The following MGMT variants were observed in gnomAD, a reference collection of about 807,000 sequenced individuals.
MGMT encodes the protein O-6-methylguanine-DNA methyltransferase.
A neutral mutation model predicts 15.9 loss-of-function variants in MGMT; 14 were observed. That is an observed-to-expected ratio of 0.88 (90% CI 0.58 to 1.37). MGMT has a LOEUF of 1.37. Among genes scored for constraint, MGMT ranks in the 40% most tolerant of loss-of-function variants. The pLI is 0.00. For synonymous variants in MGMT, 130 were observed against 118.2 expected (o/e 1.10, Z -0.65); for missense variants, 282 against 268.1 (o/e 1.05, Z -0.36).
At chr10:129,726,133 G>A (rs1429611882) in intron 3 of MGMT, among the ~76,000 whole-genome samples, 1 of 152,080 alleles carries the variant, frequency 6.6e-6, no homozygotes, top group African/African-American at 2.4e-5. Context: ...TTTCCAAGTG[G>A]CGGGGCCTCT....
intron 3 of MGMT, among the ~76,000 whole-genome samples, chr10:129,740,503 C>T (rs900012024): frequency 6.6e-6 from 1 of 152,234 alleles, no homozygotes; most frequent in Non-Finnish European, 1.5e-5. Context: ...TTAAAATCTG[C>T]ACTGTCCTTT....
intron 2 of MGMT, among the ~76,000 whole-genome samples, chr10:129,630,272 G>T (rs970095248): frequency 6.6e-6 from 1 of 152,230 alleles, no homozygotes; most frequent in Non-Finnish European, 1.5e-5. Context: ...ACTTCTCTTT[G>T]ATCTCCCTGT....
chr10:129,544,589 C>T lies in MGMT; in HGVS notation c.125+8212C>T, dbSNP rs376660355. On this transcript the variant is annotated intron_variant, in intron 2 of 4. Coordinates refer to ENST00000651593, the MANE Select transcript of MGMT (RefSeq NM_002412.5). ...GTGCCCTGTGGAGTTGGGTCCTGGC[C>T]CTCACTACCCTGTTGCGTGGGTGGG... Among the ~76,000 whole-genome samples the T allele has an allele frequency of 2.6e-3, 392 of 152,322 alleles. 1 individual carries two copies. The highest frequency in any genetic ancestry group is 9.0e-3 in the African/African-American group (374 of 41,576).
chr10:129,489,487 C>T (rs558402384), intron 1 of MGMT, among the ~76,000 whole-genome samples: 4 of 151,628 alleles, frequency 2.6e-5, no homozygotes, highest in African/African-American at 9.7e-5. Flanking sequence ...TCACAATGAG[C>T]TTGTCACATT....
chr10:129,764,891 G>A (rs569867156), intron 4 of MGMT, among the ~76,000 whole-genome samples: 6 of 152,238 alleles, frequency 3.9e-5, no homozygotes, highest in Admixed American at 2.0e-4. Flanking sequence ...TCTAGGTTGC[G>A]GGGATGAATG....
At chr10:129,646,719 AATAT>A (rs10543851) in intron 2 of MGMT, among the ~76,000 whole-genome samples, 10,352 of 81,480 alleles carry the variant, frequency 0.13, 1,156 homozygotes, top group South Asian at 0.24. Flanking sequence ...GCCCATCAGA[AATAT>A]ATATATATAT....
intron 1 of MGMT, among the ~76,000 whole-genome samples, chr10:129,475,371 C>T (rs1169104113): frequency 2.6e-5 from 4 of 152,062 alleles, no homozygotes; most frequent in Non-Finnish European, 5.9e-5. Flanking sequence ...TGAGAAAGTG[C>T]GTGCCACCCT....
At chr10:129,632,230 A>G (rs1490318236) in intron 2 of MGMT, among the ~76,000 whole-genome samples, 1 of 152,210 alleles carries the variant, frequency 6.6e-6, no homozygotes, top group African/African-American at 2.4e-5. Flanking sequence ...ACACCCTGTG[A>G]TTGGTTATTT....
At chr10:129,469,310 G>A (rs1329488116) in intron 1 of MGMT, among the ~76,000 whole-genome samples, 1 of 152,140 alleles carries the variant, frequency 6.6e-6, no homozygotes, top group Non-Finnish European at 1.5e-5. Context: ...TTTTGCAGAG[G>A]ACACACATTT....
chr10:129,593,033 T>C (rs1846706678), intron 2 of MGMT, among the ~76,000 whole-genome samples: 1 of 152,082 alleles, frequency 6.6e-6, no homozygotes, highest in African/African-American at 2.4e-5. Flanking sequence ...ACAAACACCA[T>C]GGTGGCCTCG....
chr10:129,737,254 G>A (rs185205040), intron 3 of MGMT, among the ~76,000 whole-genome samples: 52 of 152,194 alleles, frequency 3.4e-4, no homozygotes, highest in African/African-American at 7.5e-4. Context: ...GGCTGTGCGC[G>A]TTTCTTTTTA....
At chr10:129,660,790 A>ACG (rs1341240141) in intron 2 of MGMT, among the ~76,000 whole-genome samples, 1 of 151,840 alleles carries the variant, frequency 6.6e-6, no homozygotes. Flanking sequence ...ACACACACAC[A>ACG]CACACACACG....
chr10:129,568,419 G>C lies in MGMT; in HGVS notation c.125+32042G>C, dbSNP rs182290871. ...CCCTGCACGGGGGCAAATGTCCTGG[G>C]ATTGGAGAGGCAAGCGTGAATCAGA... On this transcript the variant is annotated intron_variant, in intron 2 of 4. Transcript: ENST00000651593. Among the ~76,000 whole-genome samples the C allele has an allele frequency of 1.5e-3, 221 of 152,302 alleles. 1 individual carries two copies. Among genetic ancestry groups the C allele is most frequent in the African/African-American group, 5.0e-3 (208 of 41,562 alleles).
chr10:129,681,092 C>T (rs368982421), intron 2 of MGMT, among the ~76,000 whole-genome samples: 2 of 152,180 alleles, frequency 1.3e-5, no homozygotes, highest in East Asian at 3.9e-4. Context: ...CCGGCTGCTA[C>T]CTGTCTGTCT....
At chr10:129,521,358 G>A (rs11591545) in intron 1 of MGMT, among the ~76,000 whole-genome samples, 7 of 152,112 alleles carry the variant, frequency 4.6e-5, no homozygotes, top group South Asian at 2.1e-4. Context: ...GCGAGGCCCC[G>A]CCCAGCCTCT....
At chr10:129,575,523 A>G (rs1206597293) in intron 2 of MGMT, among the ~76,000 whole-genome samples, 10 of 149,852 alleles carry the variant, frequency 6.7e-5, no homozygotes, top group South Asian at 2.2e-4. Flanking sequence ...TCTCTGGGAC[A>G]CATTCAAAGC....
intron 1 of MGMT, among the ~76,000 whole-genome samples, chr10:129,524,582 CTTTTTTTTTTTTTTTT>C (rs66701664): frequency 4.4e-5 from 3 of 68,058 alleles, no homozygotes; most frequent in Admixed American, 2.4e-4. Flanking sequence ...TCCAAAAAGA[CTTTTTTTTTTTTTTTT>C]TTTTTTTTTT....
intron 2 of MGMT, among the ~76,000 whole-genome samples, chr10:129,629,175 G>A (rs896519132): frequency 3.3e-5 from 5 of 152,194 alleles, no homozygotes; most frequent in Non-Finnish European, 7.3e-5. Flanking sequence ...TGAGTGGCTC[G>A]TATTCTTTTC....
At chr10:129,662,989 A>G (rs1384283151) in intron 2 of MGMT, among the ~76,000 whole-genome samples, 1 of 152,254 alleles carries the variant, frequency 6.6e-6, no homozygotes, top group East Asian at 1.9e-4. Flanking sequence ...TTCTCAGTAC[A>G]AGACAGGTCA....
Sources: allele counts gnomAD v4.1 joint callset (sites outside exome capture counted in the v4.1 genomes callset), GRCh38; gene constraint gnomAD v4.1.1; transcripts MANE v1.5; gene names NCBI Gene and HGNC (gene_info 2026-07-23, HGNC 2026-07-21).